The following CUL9 variants were observed in gnomAD, a reference collection of about 807,000 sequenced individuals.
CUL9 encodes the protein cullin-9.
CUL9 carries 79 observed loss-of-function variants against 272.6 expected under a neutral mutation model. That is an observed-to-expected ratio of 0.29 (90% CI 0.24 to 0.35). CUL9 has a LOEUF of 0.35. CUL9 is among the 10% of genes least tolerant of loss of function. The pLI is 1.00. For synonymous variants in CUL9, 1,186 were observed against 1,286.5 expected (o/e 0.92, Z 1.67); for missense variants, 2,532 against 3,255.6 (o/e 0.78, Z 5.41).
At position 43,215,388 on chromosome 6, in the gene CUL9, T is replaced by C. The variant is rs1775854281; in HGVS notation, c.5936+62T>C. The C allele has an allele frequency of 4.6e-6, 7 of 1,523,288 alleles. No individual in the cohort carries two copies. The African/African-American group carries it at 5.5e-5, about 12-fold the overall frequency. 94.4% of individuals were successfully genotyped at this position (1,523,288 alleles called of 1,614,324 possible). A position where few individuals can be genotyped will look rare whatever the true frequency, so the allele number is the denominator to read the frequency against. ...AGAGGTGGTCATGCCAAAGCCAAGATCCCTTGTGGAGAAACACTTCCCTTC... is the reference window on the plus strand; with the variant it reads ...AGAGGTGGTCATGCCAAAGCCAAGACCCCTTGTGGAGAAACACTTCCCTTC... On this transcript the variant is annotated intron_variant, in intron 30 of 40. Transcript: ENST00000252050.
At chr6:43,211,993 G>C (rs756505677) in intron 26 of CUL9, among the ~76,000 whole-genome samples, 1 of 152,116 alleles carries the variant, frequency 6.6e-6, no homozygotes, top group Non-Finnish European at 1.5e-5. Context: ...TTACTCTATA[G>C]GTTTCCACCT....
At chr6:43,222,423 G>A (rs745875852) in intron 36 of CUL9, 33 bp downstream of exon 36, 83 of 1,424,020 alleles carry the variant, frequency 5.8e-5, no homozygotes, top group Non-Finnish European at 8.1e-5. Context: ...GTAGATGCCT[G>A]CAGAAGCAGG....
In CUL9 at chr6:43,203,281, G is replaced by T. The variant is rs982845446; in HGVS notation, c.3849+77G>T. On this transcript the variant is annotated intron_variant, in intron 18 of 40. Coordinates refer to ENST00000252050, the MANE Select transcript of CUL9 (RefSeq NM_015089.4). This position sits in a 1 kb window ranked among gnomAD's most constrained non-coding sequence, Gnocchi z 5.0. The stretch of plus-strand genomic sequence containing the variant: ...TTCTCCTTGATCTGCTTGGGAGATG[G>T]CCCAGGACCTGTTGAGTCCCAGAGA... 6.9e-6 allele frequency: 11 copies of T among 1,595,892 alleles called. No homozygotes were observed. In the Admixed American group the frequency reaches 1.8e-4, roughly 27 times the overall value.
Position 43,206,252 on chromosome 6 carries a change from T to G in CUL9, c.5022+17T>G. The G allele has an allele frequency of 6.2e-7, 1 of 1,611,350 alleles. No homozygotes were observed. Among genetic ancestry groups the G allele is most frequent in the Non-Finnish European group, 8.5e-7 (1 of 1,178,578 alleles). On this transcript the variant is annotated intron_variant, in intron 25 of 40. Coordinates refer to ENST00000252050, the MANE Select transcript of CUL9 (RefSeq NM_015089.4). The surrounding 1 kb of genome is among the most constrained non-coding windows in gnomAD (Gnocchi z 4.8). ...GAAGAGGAGGTAAGAGCAGGGAGAA[T>G]AGGAGAGTGAGAGAAGACTAGACCA...
intron 11 of CUL9, chr6:43,198,377 G>T (rs1380189127): frequency 2.0e-6 from 2 of 981,222 alleles, no homozygotes; most frequent in Non-Finnish European, 1.2e-6. Context: ...GATTTAAAAT[G>T]TCTTGTGTTT....
rs559467472 is a variant in CUL9, at chr6:43,184,615, G to C, written c.305G>C (p.Arg102Pro). 1 of 1,612,386 alleles carries C rather than the reference G, an allele frequency of 6.2e-7. No individual in the cohort carries two copies. The highest frequency in any genetic ancestry group is 8.5e-7 in the Non-Finnish European group (1 of 1,178,600). Residue 102 changes from arginine to proline, a missense_variant, in exon 2 of 41, where the codon CGA (arginine) becomes CCA (proline). Physicochemically the swap from Arg to Pro is moderately radical, Grantham distance 103 (BLOSUM62 -2). Coordinates refer to ENST00000252050, the MANE Select transcript of CUL9 (RefSeq NM_015089.4). This position sits in a 1 kb window ranked among gnomAD's most constrained non-coding sequence, Gnocchi z 4.8. The part of the protein sequence containing the change: ...EPAGVSGSFP[R>P]DPGGLDEVAM... ...GCTGGGGTTTCAGGAAGCTTTCCTCGAGATCCAGGAGGCCTGGATGAAGTG... is the reference window on the plus strand; with the variant it reads ...GCTGGGGTTTCAGGAAGCTTTCCTCCAGATCCAGGAGGCCTGGATGAAGTG...
In CUL9 at chr6:43,198,873, G is replaced by A; in HGVS notation, c.3050+18G>A. On this transcript the variant is annotated intron_variant, in intron 12 of 40. Coordinates refer to ENST00000252050, the MANE Select transcript of CUL9 (RefSeq NM_015089.4). ...GTGCTGAGGTGAGGGGCCTGTTGAGGCACCATGCATTGGGACGAGGGAAAC... is the reference window on the plus strand; with the variant it reads ...GTGCTGAGGTGAGGGGCCTGTTGAGACACCATGCATTGGGACGAGGGAAAC... 6.2e-7 allele frequency: 1 copy of A among 1,607,418 alleles called. No homozygotes were observed. The highest frequency in any genetic ancestry group is 1.3e-5 in the African/African-American group (1 of 74,904).
rs1776119133 is a variant in CUL9, at chr6:43,218,771, C to T, written c.6283-1688C>T. ...TGGTTCCTGTGCTTTGACCTGAGCACCTGGGTGGATGGCATGTGTCATCTT... is the reference window on the plus strand; with the variant it reads ...TGGTTCCTGTGCTTTGACCTGAGCATCTGGGTGGATGGCATGTGTCATCTT... On this transcript the variant is annotated intron_variant, in intron 31 of 40. Transcript: ENST00000252050. The surrounding 1 kb of genome is among the most constrained non-coding windows in gnomAD (Gnocchi z 4.4). Among the ~76,000 whole-genome samples, 1 of 152,166 alleles carries T rather than the reference C, an allele frequency of 6.6e-6. No homozygotes were observed.
chr6:43,212,279 G>C (rs934226617), intron 26 of CUL9, among the ~76,000 whole-genome samples: 3 of 152,210 alleles, frequency 2.0e-5, no homozygotes, highest in African/African-American at 7.2e-5. Context: ...ATTTCAGTGT[G>C]TCAGTCTTGT....
rs373211287 is a variant in CUL9, at chr6:43,186,319, G to A, written c.1115G>A (p.Arg372His). The A allele has an allele frequency of 6.0e-5, 97 of 1,614,234 alleles. No individual in the cohort carries two copies. The highest frequency in any genetic ancestry group is 5.3e-4 in the South Asian group (48 of 91,088). Residue 372 changes from arginine (R) to histidine (H), a missense_variant, in exon 4 of 41, where the codon CGT becomes CAT. By Grantham distance (29) the Arg-to-His change is conservative (BLOSUM62 0). This residue lies in a region of CUL9 where 2,218 missense variants were observed against 2,788.6 expected (regional missense o/e 0.80). Transcript: ENST00000252050. ...CGCCAGCGCTCTGAATTCTCCAGCCGTAGTGGCTATGGAGAATATGTGCAG... is the reference window on the plus strand; with the variant it reads ...CGCCAGCGCTCTGAATTCTCCAGCCATAGTGGCTATGGAGAATATGTGCAG... Reference protein sequence around the residue: ...VFRQRSEFSSRSGYGEYVQQT... With the variant: ...VFRQRSEFSSHSGYGEYVQQT...
intron 29 of CUL9, among the ~76,000 whole-genome samples, chr6:43,214,796 G>GA (rs796287589): frequency 2.4e-4 from 34 of 143,362 alleles, no homozygotes; most frequent in South Asian, 4.4e-4. Context: ...AGACTGTTGG[G>GA]AAAAAAAAAA....
intron 1 of CUL9, among the ~76,000 whole-genome samples, chr6:43,183,417 A>G (rs1339730463): frequency 6.6e-6 from 1 of 151,950 alleles, no homozygotes; most frequent in Non-Finnish European, 1.5e-5. Context: ...TCCATTCTCT[A>G]TATCTGCCAT....
At position 43,204,370 on chromosome 6, in the gene CUL9, C is replaced by T. The variant is rs113193198; in HGVS notation, c.4170C>T (p.Gly1390=). 6.2e-6 allele frequency: 10 copies of T among 1,613,960 alleles called. No individual in the cohort carries two copies. The African/African-American group carries it at 6.7e-5, about 11-fold the overall frequency. ...VQNITSPDAE[G]VSALGWLLDQ... ...CCTGTCTTCTTTCAGATGCGGAAGG[C>T]GTGAGTGCCCTGGGATGGCTGCTGG... The change falls in exon 21 of 41, where the codon GGC becomes GGT. Residue 1390 remains glycine, a synonymous_variant. Coordinates refer to ENST00000252050, the MANE Select transcript of CUL9 (RefSeq NM_015089.4).
rs372065481 is a variant in CUL9, at chr6:43,220,726, G to A, written c.6424-21G>A. On this transcript the variant is annotated intron_variant, in intron 32 of 40. Transcript: ENST00000252050. This position sits in a 1 kb window ranked among gnomAD's most constrained non-coding sequence, Gnocchi z 4.9. ...TCCTGGAGAGCCATACCCTCACCTC[G>A]TGGCACCTGCGTCTCCACAGTATGA... The A allele has an allele frequency of 3.4e-5, 54 of 1,609,578 alleles. No individual in the cohort carries two copies. Among genetic ancestry groups the A allele is most frequent in the East Asian group, 4.5e-5 (2 of 44,824 alleles).
chr6:43,204,404 T>C lies in CUL9; in HGVS notation c.4204T>C (p.Leu1402=). The change falls in exon 21 of 41, where the codon TTA becomes CTA. Residue 1402 remains leucine (L), a synonymous_variant. Transcript: ENST00000252050. ...CCTGGGATGGCTGCTGGATCAGTAC[T>C]TAGAACAGAGAGAGACCTCTCGGAA... ...SALGWLLDQY[L]EQRETSRNPL... The C allele has an allele frequency of 6.2e-7, 1 of 1,614,168 alleles. No homozygotes were observed. The highest frequency in any genetic ancestry group is 8.5e-7 in the Non-Finnish European group (1 of 1,180,026).
rs1582443731 is a variant in CUL9, at chr6:43,222,636, C to T, written c.7027C>T (p.Arg2343Trp). 1.2e-6 allele frequency: 2 copies of T among 1,611,778 alleles called. No homozygotes were observed. The highest frequency in any genetic ancestry group is 1.1e-5 in the South Asian group (1 of 91,078). ...NDACQGLEQARKVLAYACVYS... is the reference protein window; with the variant it reads ...NDACQGLEQAWKVLAYACVYS... ...TGCCTGCCAGGGACTGGAGCAGGCT[C>T]GGAAGGTGGTAGCGGGTGGGGGAAG... Residue 2343 changes from arginine to tryptophan, a missense_variant, in exon 37 of 41, where the codon CGG (arginine) becomes TGG (tryptophan). Around this residue, in one of 3 missense-constraint regions of CUL9, gnomAD observed 237 missense variants for 305.9 expected, o/e 0.77. Transcript: ENST00000252050.
chr6:43,214,807 AAGAG>A (rs1232693362), intron 29 of CUL9, among the ~76,000 whole-genome samples: 2 of 151,946 alleles, frequency 1.3e-5, no homozygotes, highest in African/African-American at 4.8e-5. Context: ...AAAAAAAAAA[AAGAG>A]AGAAACTTAG....
In CUL9 at chr6:43,213,427, C is replaced by A; in HGVS notation, c.5359-11C>A. 6.2e-7 allele frequency: 1 copy of A among 1,613,944 alleles called. No individual in the cohort carries two copies. The highest frequency in any genetic ancestry group is 8.5e-7 in the Non-Finnish European group (1 of 1,179,848). On this transcript the variant is annotated splice_polypyrimidine_tract_variant and intron_variant, in intron 27 of 40. Transcript: ENST00000252050. This position sits in a 1 kb window ranked among gnomAD's most constrained non-coding sequence, Gnocchi z 5.7. The stretch of plus-strand genomic sequence containing the variant: ...TCCTTTGACTCCTGACTGGGCGTTT[C>A]TGCTCATCAGGAGGTGTCAGTAGAG...
chr6:43,221,434 A>G lies in CUL9; in HGVS notation c.6752+113A>G. On this transcript the variant is annotated intron_variant, in intron 34 of 40. Transcript: ENST00000252050. The surrounding 1 kb of genome is among the most constrained non-coding windows in gnomAD (Gnocchi z 4.2). ...GCTCAGCAAAAGAGGGTGGTTCCTC[A>G]GCCGCCCCTCACGTGGCAGCCTCCA... 1 of 1,292,394 alleles carries G rather than the reference A, an allele frequency of 7.7e-7. No individual in the cohort carries two copies. The highest frequency in any genetic ancestry group is 1.0e-6 in the Non-Finnish European group (1 of 958,036). 80.1% of individuals were successfully genotyped at this position (1,292,394 alleles called of 1,614,324 possible). A position where few individuals can be genotyped will look rare whatever the true frequency, so the allele number is the denominator to read the frequency against.
Sources: allele counts gnomAD v4.1 joint callset (sites outside exome capture counted in the v4.1 genomes callset), GRCh38; gene constraint gnomAD v4.1.1; regional missense constraint gnomAD v4.1.1; non-coding constraint Gnocchi (gnomAD v3.1); transcripts MANE v1.5; gene names NCBI Gene and HGNC (gene_info 2026-07-23, HGNC 2026-07-21).